Variants in PDPR observed in about 807,000 individuals in gnomAD.
PDPR encodes the protein pyruvate dehydrogenase phosphatase regulatory subunit, mitochondrial.
PDPR carries 50 observed loss-of-function variants against 102.2 expected under a neutral mutation model. That is an observed-to-expected ratio of 0.49 (90% CI 0.39 to 0.62). The LOEUF is 0.62. Among genes scored for constraint, PDPR ranks in the 20% least tolerant of loss-of-function variants. The pLI is 0.00. For synonymous variants in PDPR, 259 were observed against 406.0 expected, an observed-to-expected ratio of 0.64 and a Z score of 4.35; for missense variants, 625 against 1,098.2, an observed-to-expected ratio of 0.57 and a Z score of 6.09.
chr16:70,150,835 A>C (rs1966677748), intron 17 of PDPR, among the ~76,000 whole-genome samples: 1 of 152,250 alleles, frequency 6.6e-6, no homozygotes, highest in South Asian at 2.1e-4. Flanking sequence ...TTTTTAGTGC[A>C]GTGGGATGAT....
chr16:70,120,137 G>A (rs1052512361), intron 2 of PDPR: 7 of 243,538 alleles, frequency 2.9e-5, no homozygotes, highest in African/African-American at 6.8e-5. Context: ...GACTGGTCTC[G>A]AACCCCTGAC....
chr16:70,155,841 AACCGAGGC>A (rs1967112518), intron 18 of PDPR, among the ~76,000 whole-genome samples: 1 of 142,958 alleles, frequency 7.0e-6, no homozygotes, highest in South Asian at 2.1e-4. Context: ...TTGCTGTGTC[AACCGAGGC>A]TGGACTGCAG....
At chr16:70,139,424 A>ATG (rs1277798938) in intron 11 of PDPR, among the ~76,000 whole-genome samples, 1 of 152,218 alleles carries the variant, frequency 6.6e-6, no homozygotes, top group Non-Finnish European at 1.5e-5. Context: ...TTTTGAGAAA[A>ATG]TGCTTTCTCA....
At chr16:70,141,453 A>G (rs1197032854) in intron 11 of PDPR, among the ~76,000 whole-genome samples, 1 of 152,290 alleles carries the variant, frequency 6.6e-6, no homozygotes, top group Non-Finnish European at 1.5e-5. Flanking sequence ...AAGCTGCAAT[A>G]TGTACCCTTT....
intron 10 of PDPR, among the ~76,000 whole-genome samples, chr16:70,137,033 T>C (rs1436123621): frequency 6.6e-6 from 1 of 151,282 alleles, no homozygotes; most frequent in Non-Finnish European, 1.5e-5. Flanking sequence ...TGAGCCACTG[T>C]GCCCGGCCAC....
intron 9 of PDPR, among the ~76,000 whole-genome samples, chr16:70,134,289 G>T (rs868284523): frequency 6.6e-6 from 1 of 151,952 alleles, no homozygotes; most frequent in African/African-American, 2.4e-5. Flanking sequence ...GCAGTGGTGC[G>T]ATCTTAGCTC....
At chr16:70,129,615 C>T (rs1964335271) in intron 6 of PDPR, among the ~76,000 whole-genome samples, 1 of 152,272 alleles carries the variant, frequency 6.6e-6, no homozygotes, top group African/African-American at 2.4e-5. Flanking sequence ...TCCCTAAGTG[C>T]TGGGATTACA....
chr16:70,145,880 G>C (rs1316876824), intron 15 of PDPR: 1 of 503,028 alleles, frequency 2.0e-6, no homozygotes, highest in African/African-American at 2.0e-5. Flanking sequence ...GCCTTGCTGG[G>C]AAAAGGAGGA....
chr16:70,155,923 C>A (rs1335134731), intron 18 of PDPR, among the ~76,000 whole-genome samples: 3 of 151,748 alleles, frequency 2.0e-5, no homozygotes, highest in African/African-American at 7.3e-5. Context: ...CTGTCTCAGT[C>A]TCCCTAGAAT....
intron 7 of PDPR, among the ~76,000 whole-genome samples, chr16:70,130,781 T>C (rs1403377664): frequency 2.6e-5 from 4 of 152,270 alleles, no homozygotes; most frequent in African/African-American, 4.8e-5. Context: ...GGCCAGCAAA[T>C]GGTCAGGCAT....
intron 11 of PDPR, 123 bp from the exon 12 acceptor site, chr16:70,142,111 A>C: frequency 1.6e-6 from 2 of 1,222,226 alleles, no homozygotes; most frequent in Non-Finnish European, 2.3e-6. Context: ...AAAAAAAAAA[A>C]AAAACTACGT....
chr16:70,150,495 T>G (rs1485976049), intron 17 of PDPR, among the ~76,000 whole-genome samples: 2 of 152,184 alleles, frequency 1.3e-5, no homozygotes, highest in African/African-American at 2.4e-5. Flanking sequence ...CTTCTTGATG[T>G]TAGTCATACT....
chr16:70,125,591 G>A (rs1963879806), intron 3 of PDPR, among the ~76,000 whole-genome samples: 1 of 135,096 alleles, frequency 7.4e-6, no homozygotes, highest in Non-Finnish European at 1.6e-5. Flanking sequence ...ATATATATAT[G>A]TAAAAGAGTA....
intron 17 of PDPR, among the ~76,000 whole-genome samples, chr16:70,148,875 AT>A (rs1966468831): frequency 1.3e-5 from 2 of 152,292 alleles, no homozygotes; most frequent in South Asian, 4.1e-4. Flanking sequence ...TTGTATGCAT[AT>A]TGCAAGCAAA....
At chr16:70,151,380 A>G (rs1321565913) in intron 17 of PDPR, among the ~76,000 whole-genome samples, 1 of 152,270 alleles carries the variant, frequency 6.6e-6, no homozygotes, top group African/African-American at 2.4e-5. Context: ...TGTTTTAACT[A>G]TTTGAGCCAC....
intron 18 of PDPR, among the ~76,000 whole-genome samples, chr16:70,155,801 T>TA (rs1967099445): frequency 1.4e-5 from 2 of 142,272 alleles, no homozygotes; most frequent in Admixed American, 7.1e-5. Flanking sequence ...TATAAAAAAG[T>TA]CTTTTTTTTT....
At chr16:70,138,207 ATTTTTTTTT>A (rs1201065640) in intron 10 of PDPR, among the ~76,000 whole-genome samples, 13 of 94,042 alleles carry the variant, frequency 1.4e-4, no homozygotes, top group South Asian at 3.4e-4. Flanking sequence ...ACGCCGGCTA[ATTTTTTTTT>A]TTTTTTTTTT....
intron 6 of PDPR, among the ~76,000 whole-genome samples, 168 bp downstream of exon 6, chr16:70,129,290 T>G (rs1244305193): frequency 6.6e-6 from 1 of 152,292 alleles, no homozygotes; most frequent in Non-Finnish European, 1.5e-5. Flanking sequence ...TGTTAATGAG[T>G]GTTTTCCCTC....
rs1442768827 is a variant in PDPR, at chr16:70,148,632, G to A, written c.2052+79G>A. 17 of 1,325,190 alleles carry A rather than the reference G, an allele frequency of 1.3e-5. No individual in the cohort carries two copies. In the East Asian group the frequency reaches 3.8e-4, roughly 29 times the overall value. The allele number at this position is 1,325,190 out of a possible 1,614,324, so 82.1% of individuals were successfully genotyped here. On this transcript the variant is annotated intron_variant, in intron 17 of 18. Coordinates refer to ENST00000288050, the MANE Select transcript of PDPR (RefSeq NM_017990.5). The stretch of plus-strand genomic sequence containing the variant: ...CTTCCCTTCCCACAACCACTGTGGG[G>A]TGCCAGTGCTCCCAGCAGCGCGTTC...
Sources: allele counts gnomAD v4.1 joint callset (sites outside exome capture counted in the v4.1 genomes callset), GRCh38; gene constraint gnomAD v4.1.1; transcripts MANE v1.5; gene names NCBI Gene and HGNC (gene_info 2026-07-23, HGNC 2026-07-21).